RARS2: variants seen among roughly 807,000 people sequenced by gnomAD.
RARS2 encodes the protein probable arginine--tRNA ligase, mitochondrial.
RARS2 carries 67 observed loss-of-function variants against 88.5 expected under a neutral mutation model. That is an observed-to-expected ratio of 0.76 (90% CI 0.62 to 0.93). The LOEUF is 0.93. Ranked by LOEUF, RARS2 falls within the 40% of genes least tolerant of loss-of-function variation. The pLI, the probability that RARS2 is intolerant of heterozygous loss-of-function variation, is 0.00. For synonymous variants in RARS2, 239 were observed against 230.3 expected (o/e 1.04, Z -0.34); for missense variants, 664 against 684.2 (o/e 0.97, Z 0.33).
rs756999275 is a variant in RARS2, at chr6:87,555,398, G to A, written c.395+10C>T. The A allele has an allele frequency of 4.2e-5, 67 of 1,604,788 alleles. No individual in the cohort carries two copies. The highest frequency in any genetic ancestry group is 2.3e-4 in the Admixed American group (14 of 59,990). ...TGATTAAGCAACACATAAAAGGGGT[G>A]CACCCTCACCTGAATTCAACCACAA... On this transcript the variant is annotated intron_variant, in intron 5 of 19. Coordinates refer to ENST00000369536, the MANE Select transcript of RARS2 (RefSeq NM_020320.5).
intron 8 of RARS2, among the ~76,000 whole-genome samples, chr6:87,538,312 A>G (rs1253198879): frequency 6.6e-6 from 1 of 152,190 alleles, no homozygotes; most frequent in Non-Finnish European, 1.5e-5. Flanking sequence ...GCAAAAGAAC[A>G]CTAATGAAAG....
intron 8 of RARS2, among the ~76,000 whole-genome samples, chr6:87,539,467 T>C (rs1434093177): frequency 2.6e-5 from 4 of 152,236 alleles, no homozygotes; most frequent in African/African-American, 7.2e-5. Flanking sequence ...CATGCTTACA[T>C]TGGTCCAAGC....
chr6:87,564,573 G>A (rs1369085527), intron 2 of RARS2: 2 of 376,442 alleles, frequency 5.3e-6, no homozygotes, highest in East Asian at 7.4e-5. Context: ...GGAGACTGAG[G>A]CAGGGGAATC....
chr6:87,565,975 A>G (rs1279588733), intron 2 of RARS2, among the ~76,000 whole-genome samples: 2 of 152,234 alleles, frequency 1.3e-5, no homozygotes, highest in African/African-American at 4.8e-5. Flanking sequence ...AATGACCATT[A>G]AGAATTCTCC....
intron 17 of RARS2, 108 bp downstream of exon 17, chr6:87,518,059 CTA>C (rs1342998000): frequency 6.2e-7 from 1 of 1,601,936 alleles, no homozygotes; most frequent in African/African-American, 1.3e-5. Flanking sequence ...TGGGAAAAGT[CTA>C]GAGGCAGAAG....
intron 1 of RARS2, among the ~76,000 whole-genome samples, chr6:87,577,856 G>A (rs901135559): frequency 4.6e-5 from 7 of 152,260 alleles, no homozygotes; most frequent in East Asian, 1.9e-4. Context: ...AAAACACTAC[G>A]AATTGTAATG....
At chr6:87,589,090 G>A (rs1405193052) in intron 1 of RARS2, among the ~76,000 whole-genome samples, 1 of 152,160 alleles carries the variant, frequency 6.6e-6, no homozygotes, top group East Asian at 1.9e-4. Context: ...TTATACACCA[G>A]GCTAATTACG....
At chr6:87,541,850 A>T in intron 8 of RARS2, 68 bp downstream of exon 8, 1 of 1,218,622 alleles carries the variant, frequency 8.2e-7, no homozygotes, top group Non-Finnish European at 1.2e-6. Flanking sequence ...AACCTCTGGG[A>T]TTAAAAACAT....
intron 4 of RARS2, among the ~76,000 whole-genome samples, chr6:87,560,576 T>C (rs1197426985): frequency 6.6e-6 from 1 of 152,236 alleles, no homozygotes; most frequent in African/African-American, 2.4e-5. Context: ...GAATTTTTTT[T>C]CTTGATGTGA....
intron 5 of RARS2, among the ~76,000 whole-genome samples, chr6:87,551,933 A>G (rs1039564822): frequency 6.6e-6 from 1 of 152,208 alleles, no homozygotes; most frequent in African/African-American, 2.4e-5. Flanking sequence ...GAGAGAGATT[A>G]GAGAGGAAAC....
intron 18 of RARS2, among the ~76,000 whole-genome samples, chr6:87,516,303 C>T (rs1771715154): frequency 6.6e-6 from 1 of 152,148 alleles, no homozygotes; most frequent in African/African-American, 2.4e-5. Flanking sequence ...CCTGTATGGA[C>T]CCCACCACCC....
At chr6:87,586,995 A>G (rs1433572505) in intron 1 of RARS2, among the ~76,000 whole-genome samples, 1 of 151,786 alleles carries the variant, frequency 6.6e-6, no homozygotes, top group Non-Finnish European at 1.5e-5. Context: ...TGCAACCTCC[A>G]CCTCTCAGGT....
chr6:87,556,042 G>C (rs1327116292), intron 4 of RARS2, among the ~76,000 whole-genome samples: 1 of 152,206 alleles, frequency 6.6e-6, no homozygotes, highest in Non-Finnish European at 1.5e-5. Flanking sequence ...CCTGTTAACT[G>C]CTGCATGCTG....
intron 3 of RARS2, 69 bp downstream of exon 3, chr6:87,564,061 G>T: frequency 8.7e-7 from 1 of 1,151,896 alleles, no homozygotes; most frequent in Non-Finnish European, 1.3e-6. Context: ...GGCTGAGATA[G>T]CCTGCAAAGT....
At chr6:87,543,731 G>T (rs1374236585) in intron 7 of RARS2, among the ~76,000 whole-genome samples, 2 of 152,062 alleles carry the variant, frequency 1.3e-5, no homozygotes, top group Non-Finnish European at 2.9e-5. Flanking sequence ...TCTATTCAAG[G>T]TTCAGTAGAA....
chr6:87,527,956 T>C (rs545374207), intron 10 of RARS2, among the ~76,000 whole-genome samples: 1 of 151,712 alleles, frequency 6.6e-6, no homozygotes, highest in African/African-American at 2.4e-5. Flanking sequence ...AGGTAATGGA[T>C]GCTGGGCTTA....
intron 5 of RARS2, among the ~76,000 whole-genome samples, chr6:87,553,664 T>G (rs984474326): frequency 3.9e-5 from 6 of 152,360 alleles, no homozygotes; most frequent in African/African-American, 1.4e-4. Flanking sequence ...CACTAAGGTT[T>G]GCAGTGGTTT....
In RARS2 at chr6:87,578,922, T is replaced by C. The variant is rs1382871032; in HGVS notation, c.37-9332A>G. Among the ~76,000 whole-genome samples, 4 of 115,990 alleles carry C rather than the reference T, an allele frequency of 3.4e-5. No homozygotes were observed. The East Asian group carries it at 9.0e-4, about 26-fold the overall frequency. The allele number at this position is 115,990 out of a possible 152,430, so 76.1% of individuals were successfully genotyped here. On this transcript the variant is annotated intron_variant, in intron 1 of 19. Transcript: ENST00000369536. ...TTGCAGTGAGCTGAGATCGCACCAC[T>C]GCACTCCAGCCTGGAGACAGAGCGA...
chr6:87,549,382 T>TA (rs1479597174), intron 5 of RARS2, among the ~76,000 whole-genome samples: 1 of 132,026 alleles, frequency 7.6e-6, no homozygotes, highest in Non-Finnish European at 1.6e-5. Context: ...AAAAATAAAA[T>TA]AAATAAATAA....
Sources: gnomAD v4.1 joint callset for allele counts (sites outside exome capture counted in the v4.1 genomes callset) on GRCh38, gnomAD v4.1.1 for gene constraint, MANE v1.5 for transcripts, NCBI Gene and HGNC (gene_info 2026-07-23, HGNC 2026-07-21) for gene names.